Variants in PRKN observed in about 807,000 individuals in gnomAD.
PRKN encodes E3 ubiquitin-protein ligase parkin.
PRKN carries 56 observed loss-of-function variants against 59.5 expected under a neutral mutation model. The ratio of observed to expected loss-of-function variants is 0.94; its 90% confidence interval spans 0.76 to 1.18. PRKN has a LOEUF of 1.18. PRKN is among the 50% of genes most tolerant of loss of function. PRKN has a pLI of 0.00. For missense variants in PRKN, 657 were observed against 596.4 expected (o/e 1.10, Z -1.06); for synonymous variants, 250 against 222.1 (o/e 1.13, Z -1.12).
chr6:161,805,025 A>C (rs1791247184), intron 6 of PRKN, among the ~76,000 whole-genome samples: 1 of 152,224 alleles, frequency 6.6e-6, no homozygotes, highest in Admixed American at 6.5e-5. Context: ...TCAACATACA[A>C]GTCATGAGAA....
intron 3 of PRKN, among the ~76,000 whole-genome samples, chr6:162,207,625 C>G (rs1785007655): frequency 6.6e-6 from 1 of 152,134 alleles, no homozygotes; most frequent in Non-Finnish European, 1.5e-5. Context: ...GTGAGTGGAC[C>G]ACTCTCTTCA....
At chr6:161,968,187 ATTTT>A (rs530441181) in intron 6 of PRKN, among the ~76,000 whole-genome samples, 54,878 of 127,540 alleles carry the variant, frequency 0.43, 11,417 homozygotes, top group Middle Eastern at 0.57. Context: ...TGCCTGGCTA[ATTTT>A]TTTTTTTTTT....
chr6:161,410,474 C>T lies in PRKN; in HGVS notation c.1084-23597G>A, dbSNP rs1787482691. On this transcript the variant is annotated intron_variant, in intron 9 of 11. Coordinates refer to ENST00000366898, the MANE Select transcript of PRKN (RefSeq NM_004562.3). This position sits in a 1 kb window ranked among gnomAD's most constrained non-coding sequence, Gnocchi z 5.3. Reference sequence around the variant, plus strand: ...TTCCCAACCAACTGTAAGGGGGCTGCTGGTTTGAGCTTTTCAGGTTTCACA... The same window carrying T: ...TTCCCAACCAACTGTAAGGGGGCTGTTGGTTTGAGCTTTTCAGGTTTCACA... Among the ~76,000 whole-genome samples, 1 of 152,150 alleles carries T rather than the reference C, an allele frequency of 6.6e-6. No homozygotes were observed. Among genetic ancestry groups the T allele is most frequent in the South Asian group, 2.1e-4 (1 of 4,830 alleles).
chr6:162,386,531 G>A lies in PRKN; in HGVS notation c.171+56779C>T, dbSNP rs77081871. Among the ~76,000 whole-genome samples, 848 of 152,266 alleles carry A rather than the reference G, an allele frequency of 5.6e-3. 9 individuals are homozygous for A. The highest frequency in any genetic ancestry group is 0.019 in the African/African-American group (803 of 41,550). Reference sequence around the variant, plus strand: ...TCTCTTCATCTTGCTGATTCCTCTGGTGGGTCTGGTAAGGCTGAGCTTGGT... The same window carrying A: ...TCTCTTCATCTTGCTGATTCCTCTGATGGGTCTGGTAAGGCTGAGCTTGGT... On this transcript the variant is annotated intron_variant, in intron 2 of 11. Transcript: ENST00000366898.
At chr6:161,680,744 TATATATATATATATATATATATATATA>T (rs1462718432) in intron 7 of PRKN, among the ~76,000 whole-genome samples, 3 of 8,256 alleles carry the variant, frequency 3.6e-4, no homozygotes, top group Non-Finnish European at 5.5e-4. Context: ...TATATATATA[TATATATATATATATATATATATATATA>T]TATATTTTTT....
At chr6:161,465,125 G>A (rs905968679) in intron 9 of PRKN, among the ~76,000 whole-genome samples, 4 of 152,156 alleles carry the variant, frequency 2.6e-5, no homozygotes, top group African/African-American at 7.2e-5. Context: ...CAGTCTAGAC[G>A]GTGAGTCTTC....
At chr6:162,549,923 C>T (rs1779269763) in intron 1 of PRKN, among the ~76,000 whole-genome samples, 1 of 152,104 alleles carries the variant, frequency 6.6e-6, no homozygotes, top group Non-Finnish European at 1.5e-5. Context: ...AGGCGTGAGC[C>T]ACCGCACCCA....
intron 2 of PRKN, among the ~76,000 whole-genome samples, chr6:162,343,124 A>T (rs1954949): frequency 0.087 from 13,251 of 152,242 alleles, 1,099 homozygotes; most frequent in East Asian, 0.46. Flanking sequence ...ATTTCTCATC[A>T]GAAGAAATAT....
At position 161,574,782 on chromosome 6, in the gene PRKN, G is replaced by A. The variant is rs566223093; in HGVS notation, c.872-5366C>T. Among the ~76,000 whole-genome samples the A allele has an allele frequency of 2.6e-5, 4 of 152,178 alleles. No individual in the cohort carries two copies. The East Asian group carries it at 7.7e-4, about 29-fold the overall frequency. ...TGTCATCATTTTTCTTAAGCACAAG[G>A]TTCTCCTTAAATTGTTATTCTGTCC... On this transcript the variant is annotated intron_variant, in intron 7 of 11. Transcript: ENST00000366898.
chr6:162,305,297 A>G (rs983939987), intron 2 of PRKN, among the ~76,000 whole-genome samples: 1 of 152,198 alleles, frequency 6.6e-6, no homozygotes, highest in Non-Finnish European at 1.5e-5. Context: ...GGTTTTACCA[A>G]ACCTCGAAAA....
chr6:162,567,392 A>G (rs147090641), intron 1 of PRKN, among the ~76,000 whole-genome samples: 69 of 152,336 alleles, frequency 4.5e-4, no homozygotes, highest in Middle Eastern at 3.4e-3. Flanking sequence ...ACAAGAAACC[A>G]TTAGAACTGA....
intron 1 of PRKN, among the ~76,000 whole-genome samples, chr6:162,571,960 C>T (rs1780347467): frequency 6.6e-6 from 1 of 152,042 alleles, no homozygotes; most frequent in Non-Finnish European, 1.5e-5. Context: ...GACCTGAGAG[C>T]ACAGAAATGC....
In PRKN at chr6:162,543,084, T is replaced by C. The variant is rs898670405; in HGVS notation, c.8-99611A>G. ...GTCAGTTGGTGTCCCCTGGTCTTTC[T>C]TTCTCTAAATTAAACATGTCCACTT... On this transcript the variant is annotated intron_variant, in intron 1 of 11. Coordinates refer to ENST00000366898, the MANE Select transcript of PRKN (RefSeq NM_004562.3). 7.2e-5 allele frequency among the ~76,000 whole-genome samples: 11 copies of C among 152,270 alleles called. No individual in the cohort carries two copies. In the South Asian group the frequency reaches 1.5e-3, roughly 20 times the overall value.
intron 5 of PRKN, among the ~76,000 whole-genome samples, chr6:161,988,435 C>G (rs115738477): frequency 1.3e-5 from 2 of 151,694 alleles, no homozygotes; most frequent in African/African-American, 4.8e-5. Context: ...TTGCATGAGG[C>G]GAGATCCCGC....
chr6:161,443,177 G>A (rs908041464), intron 9 of PRKN, among the ~76,000 whole-genome samples: 3 of 152,206 alleles, frequency 2.0e-5, no homozygotes, highest in African/African-American at 4.8e-5. Flanking sequence ...TGTGGTGGTG[G>A]TGCATGCCTG....
intron 6 of PRKN, among the ~76,000 whole-genome samples, chr6:161,890,804 A>C (rs1583305418): frequency 6.6e-6 from 1 of 152,254 alleles, no homozygotes; most frequent in East Asian, 1.9e-4. Flanking sequence ...AATAGAATTT[A>C]TTTTCCATAG....
chr6:161,616,105 C>T (rs1782682576), intron 7 of PRKN, among the ~76,000 whole-genome samples: 1 of 152,176 alleles, frequency 6.6e-6, no homozygotes, highest in African/African-American at 2.4e-5. Context: ...CTCTGCTGAA[C>T]TCTCGTGTGG....
chr6:161,923,714 A>T (rs528841420), intron 6 of PRKN, among the ~76,000 whole-genome samples: 2 of 152,120 alleles, frequency 1.3e-5, no homozygotes, highest in Non-Finnish European at 2.9e-5. Context: ...TGCAAACATC[A>T]CGATCCTTTA....
chr6:162,039,361 T>C (rs142299117), intron 5 of PRKN, among the ~76,000 whole-genome samples: 4 of 152,248 alleles, frequency 2.6e-5, no homozygotes, highest in Middle Eastern at 3.4e-3. Context: ...TAGATCCCCA[T>C]TGTTGGAGGT....
Sources: gnomAD v4.1 joint callset for allele counts (sites outside exome capture counted in the v4.1 genomes callset) on GRCh38, gnomAD v4.1.1 for gene constraint, Gnocchi (gnomAD v3.1) non-coding constraint, MANE v1.5 for transcripts, NCBI Gene and HGNC (gene_info 2026-07-23, HGNC 2026-07-21) for gene names.